Variants in MTA1 observed in about 807,000 individuals in gnomAD.
MTA1 encodes the protein metastasis-associated protein MTA1.
In MTA1, 15 loss-of-function variants were observed where a neutral mutation model predicts 97.0. The ratio of observed to expected loss-of-function variants is 0.15; its 90% confidence interval spans 0.10 to 0.24. MTA1 has a LOEUF of 0.24. Among genes scored for constraint, MTA1 ranks in the 10% least tolerant of loss-of-function variants. The pLI, the probability that MTA1 is intolerant of heterozygous loss-of-function variation, is 1.00. For missense variants in MTA1, 709 were observed against 1,015.1 expected (o/e 0.70, Z 4.10); for synonymous variants, 435 against 417.5 (o/e 1.04, Z -0.51).
intron 3 of MTA1, among the ~76,000 whole-genome samples, chr14:105,448,688 G>A (rs1340433220): frequency 1.5e-5 from 2 of 136,454 alleles, no homozygotes; most frequent in African/African-American, 5.1e-5. Context: ...CCAGGCTTTT[G>A]AGGCCCAGAT....
chr14:105,469,379 G>T (rs1555433738), intron 18 of MTA1, 88 bp from the exon 19 acceptor site: 7 of 1,457,572 alleles, frequency 4.8e-6, no homozygotes, highest in Non-Finnish European at 6.7e-6. Flanking sequence ...CCGGCCCATT[G>T]TCCCAAGGTG....
In MTA1 at chr14:105,466,532, C is replaced by T; in HGVS notation, c.1731C>T (p.Pro577=). The T allele has an allele frequency of 6.3e-7, 1 of 1,588,046 alleles. No individual in the cohort carries two copies. Among genetic ancestry groups the T allele is most frequent in the East Asian group, 2.3e-5 (1 of 43,418 alleles). ...KVAPVINNGS[P]TILGKRSYEQ... ...CCCCCGTCATCAACAACGGCTCCCC[C>T]ACCATCCTGGGCAAGCGCAGCTACG... Residue 577 remains proline, a synonymous_variant, in exon 17 of 21, where the codon CCC becomes CCT. Coordinates refer to ENST00000331320, the MANE Select transcript of MTA1 (RefSeq NM_004689.4).
chr14:105,451,775 CTTTTTTTGTT>C (rs781833745), intron 6 of MTA1, among the ~76,000 whole-genome samples: 59,804 of 115,912 alleles, frequency 0.52, 15,593 homozygotes, highest in East Asian at 0.87. Flanking sequence ...TTTTCTTTTT[CTTTTTTTGTT>C]TTTTTTTTTT....
In MTA1 at chr14:105,468,894, G is replaced by GC. The variant is rs1567050829; in HGVS notation, c.1814-569dup. 1.7e-5 allele frequency: 5 copies of GC among 286,326 alleles called. No individual in the cohort carries two copies. The Admixed American group carries it at 2.4e-4, about 14-fold the overall frequency. The allele number at this position is 286,326 out of a possible 1,614,324, so 17.7% of individuals were successfully genotyped here. On this transcript the variant is annotated intron_variant, in intron 18 of 20. Transcript: ENST00000331320. ...CGCTTCTTGGCCCAACTCCCGCAGT[G>GC]CCCCTTGGGCTCCTCACCCTGCACT... is the stretch of plus-strand genomic sequence containing the variant.
intron 1 of MTA1, among the ~76,000 whole-genome samples, chr14:105,433,860 G>T (rs587653630): frequency 8.5e-5 from 13 of 152,280 alleles, no homozygotes; most frequent in African/African-American, 3.1e-4. Flanking sequence ...ATGGGGTCTT[G>T]CTCTGTCACC....
rs1375743233 is a variant in MTA1, at chr14:105,422,429, C to T, written c.28+2366C>T. Among the ~76,000 whole-genome samples, 2 of 152,136 alleles carry T rather than the reference C, an allele frequency of 1.3e-5. No individual in the cohort carries two copies. Among genetic ancestry groups the T allele is most frequent in the African/African-American group, 2.4e-5 (1 of 41,420 alleles). ...TCCGTCTGTCGCCGGCTGCCTGGCA[C>T]GGGCTCCATCTGGGTGGCCAGTCCT... On this transcript the variant is annotated intron_variant, in intron 1 of 20. Transcript: ENST00000331320. This position sits in a 1 kb window ranked among gnomAD's most constrained non-coding sequence, Gnocchi z 4.3.
rs782790048 is a variant in MTA1 at position 105,463,566 on chromosome 14, A to C, written c.1076+15A>C. 1 of 1,612,414 alleles carries C rather than the reference A, an allele frequency of 6.2e-7. No homozygotes were observed. Among genetic ancestry groups the C allele is most frequent in the Admixed American group, 1.7e-5 (1 of 60,016 alleles). On this transcript the variant is annotated intron_variant, in intron 12 of 20. Coordinates refer to ENST00000331320, the MANE Select transcript of MTA1 (RefSeq NM_004689.4). This position sits in a 1 kb window ranked among gnomAD's most constrained non-coding sequence, Gnocchi z 5.9. ...ATTCCCAACTAGTAAGTGTGCCCTC[A>C]CAGCCGTCGTCCTCGTGGCCCCGGG...
chr14:105,438,640 A>G, intron 1 of MTA1, 32 bp from the exon 2 acceptor site: 1 of 1,609,494 alleles, frequency 6.2e-7, no homozygotes, highest in Non-Finnish European at 8.5e-7. Flanking sequence ...CTTTGGTGCC[A>G]CAGGTGGCAC....
Position 105,464,067 on chromosome 14 carries a change from ACGT to A in MTA1, c.1114_1116del (p.Val372del), listed in dbSNP as rs782059804. 43 of 1,612,284 alleles carry A rather than the reference ACGT, an allele frequency of 2.7e-5. No individual in the cohort carries two copies. The highest frequency in any genetic ancestry group is 3.5e-5 in the Non-Finnish European group (41 of 1,179,678). On this transcript the variant is annotated inframe_deletion, in exon 13 of 21. Transcript: ENST00000331320. ...AATCCGAACCAAATCAGCGTCAACA[ACGT>A]CAAGGCCGGTGTGGTGAACGGCACG...
intron 1 of MTA1, among the ~76,000 whole-genome samples, chr14:105,421,366 C>T (rs1451897447): frequency 6.6e-6 from 1 of 152,192 alleles, no homozygotes; most frequent in Non-Finnish European, 1.5e-5. Flanking sequence ...TTCTCCCCAC[C>T]TGGAGACCCC....
Position 105,469,982 on chromosome 14 carries a change from G to A in MTA1, c.1987G>A (p.Glu663Lys). 1 of 1,612,524 alleles carries A rather than the reference G, an allele frequency of 6.2e-7. No individual in the cohort carries two copies. The highest frequency in any genetic ancestry group is 8.5e-7 in the Non-Finnish European group (1 of 1,179,862). ...GGATGACGTGTTCTACATGGCCACA[G>A]AGGAGACCAGGTGGGGCCTTCCCAG... ...APDDVFYMAT[E>K]ETRKIRKLLS... Residue 663 changes from glutamate to lysine, a missense_variant, in exon 20 of 21, where the codon GAG becomes AAG. By Grantham distance (56) the Glu-to-Lys change is moderately conservative (BLOSUM62 1). Around this residue, in one of 2 missense-constraint regions of MTA1, gnomAD observed 388 missense variants for 421.6 expected, o/e 0.92. Transcript: ENST00000331320.
chr14:105,446,210 C>T (rs978674559), intron 3 of MTA1, among the ~76,000 whole-genome samples: 1 of 152,170 alleles, frequency 6.6e-6, no homozygotes, highest in Non-Finnish European at 1.5e-5. Context: ...CCGAGCTGGG[C>T]CCCACCTGCA....
At chr14:105,454,096 A>G (rs2083051197) in intron 6 of MTA1, 97 bp from the exon 7 acceptor site, 2 of 884,806 alleles carry the variant, frequency 2.3e-6, no homozygotes, top group South Asian at 2.9e-5. Context: ...AGCTCTGGGC[A>G]AGACCCTCCC....
chr14:105,455,924 C>A (rs1412064278), intron 7 of MTA1, among the ~76,000 whole-genome samples: 7 of 151,186 alleles, frequency 4.6e-5, no homozygotes, highest in African/African-American at 1.7e-4. Context: ...GTGCTGGAGC[C>A]CGGCCTGTGG....
intron 14 of MTA1, 30 bp from the exon 15 acceptor site, chr14:105,464,644 G>A (rs1386596511): frequency 4.4e-6 from 7 of 1,605,588 alleles, no homozygotes; most frequent in Non-Finnish European, 5.1e-6. Context: ...TCATGGCGCT[G>A]TGTTGGGGCG....
chr14:105,469,434 G>C (rs782125911), intron 18 of MTA1, 33 bp from the exon 19 acceptor site: 1 of 1,612,062 alleles, frequency 6.2e-7, no homozygotes, highest in Non-Finnish European at 8.5e-7. Context: ...GCGCTCTCTC[G>C]GGGCCTCATT....
At chr14:105,442,134 T>C (rs962698684) in intron 2 of MTA1, among the ~76,000 whole-genome samples, 13 of 152,014 alleles carry the variant, frequency 8.6e-5, no homozygotes, top group Non-Finnish European at 1.6e-4. Flanking sequence ...CCCTTCAAGG[T>C]GTATTTAAAA....
At chr14:105,433,941 C>T (rs1221524700) in intron 1 of MTA1, among the ~76,000 whole-genome samples, 4 of 152,160 alleles carry the variant, frequency 2.6e-5, no homozygotes, top group African/African-American at 7.2e-5. Flanking sequence ...GATTCCCCTG[C>T]CTCAGCCTCC....
chr14:105,436,693 T>A (rs1281973912), intron 1 of MTA1, among the ~76,000 whole-genome samples: 1 of 152,228 alleles, frequency 6.6e-6, no homozygotes, highest in Non-Finnish European at 1.5e-5. Context: ...GACCCCAGCT[T>A]GTTTGTCTTT....
Sources: allele counts gnomAD v4.1 joint callset (sites outside exome capture counted in the v4.1 genomes callset), GRCh38; gene constraint gnomAD v4.1.1; regional missense constraint gnomAD v4.1.1; non-coding constraint Gnocchi (gnomAD v3.1); transcripts MANE v1.5; gene names NCBI Gene and HGNC (gene_info 2026-07-23, HGNC 2026-07-21).